GRIA1: variants seen among roughly 807,000 people sequenced by gnomAD.
The protein encoded by GRIA1 is glutamate receptor 1.
GRIA1 carries 31 observed loss-of-function variants against 99.2 expected under a neutral mutation model. The ratio of observed to expected loss-of-function variants is 0.31; its 90% CI spans 0.23 to 0.42. The LOEUF is 0.42. Among genes scored for constraint, GRIA1 ranks in the 10% least tolerant of loss-of-function variants. The pLI is 1.00. For synonymous variants in GRIA1, 438 were observed against 432.4 expected (o/e 1.01, Z -0.16); for missense variants, 782 against 1,157.5 (o/e 0.68, Z 4.71).
chr5:153,729,654 C>A (rs1012622231), intron 11 of GRIA1, among the ~76,000 whole-genome samples: 1 of 152,008 alleles, frequency 6.6e-6, no homozygotes. Flanking sequence ...GAATTTTCCA[C>A]CCCTGTTTAT....
intron 2 of GRIA1, among the ~76,000 whole-genome samples, chr5:153,537,665 G>C (rs1369151318): frequency 6.6e-6 from 1 of 152,208 alleles, no homozygotes; most frequent in East Asian, 1.9e-4. Flanking sequence ...CTTGGTGTCA[G>C]AACCAGGGTC....
chr5:153,751,157 C>T (rs1440797444), intron 11 of GRIA1, among the ~76,000 whole-genome samples: 2 of 152,202 alleles, frequency 1.3e-5, no homozygotes, highest in Admixed American at 1.3e-4. Context: ...CAAAGTCATA[C>T]AACCAATAAG....
intron 2 of GRIA1, among the ~76,000 whole-genome samples, chr5:153,518,909 G>A (rs1756875137): frequency 6.6e-6 from 1 of 152,164 alleles, no homozygotes; most frequent in Admixed American, 6.5e-5. Flanking sequence ...CTAGATCAGT[G>A]ATTCTCAAAA....
intron 2 of GRIA1, among the ~76,000 whole-genome samples, chr5:153,635,353 G>A (rs753213553): frequency 2.0e-5 from 3 of 152,180 alleles, no homozygotes; most frequent in Admixed American, 6.5e-5. Context: ...AGATGACTGG[G>A]CCAGGAGGGG....
chr5:153,506,465 T>C (rs546560969), intron 2 of GRIA1, among the ~76,000 whole-genome samples: 1 of 152,230 alleles, frequency 6.6e-6, no homozygotes, highest in Non-Finnish European at 1.5e-5. Flanking sequence ...ATTTAAATTA[T>C]GTGTGAAGGA....
Position 153,812,275 on chromosome 5 carries a change from C to A in GRIA1, c.*1050C>A, listed in dbSNP as rs763454294. 2 of 151,980 alleles carry A rather than the reference C, an allele frequency of 1.3e-5. No homozygotes were observed. The highest frequency in any genetic ancestry group is 2.4e-5 in the African/African-American group (1 of 41,372). 9.4% of individuals were successfully genotyped at this position (151,980 alleles called of 1,614,324 possible). A position where few individuals can be genotyped will look rare whatever the true frequency, so the allele number is the denominator to read the frequency against. On this transcript the variant is annotated 3_prime_UTR_variant, in exon 16 of 16. Coordinates refer to ENST00000285900, the MANE Select transcript of GRIA1 (RefSeq NM_000827.4). ...TCTATGGAGCCTCTGACATGGGGAG[C>A]AATGCTAAGCAAGCTAAGTGTAAAA...
intron 2 of GRIA1, among the ~76,000 whole-genome samples, chr5:153,497,073 T>C (rs1754509351): frequency 6.6e-6 from 1 of 152,146 alleles, no homozygotes; most frequent in African/African-American, 2.4e-5. Flanking sequence ...GTGGGGAAGA[T>C]AGAAGAGGAC....
chr5:153,645,757 T>C (rs1754101309), intron 2 of GRIA1, among the ~76,000 whole-genome samples: 1 of 152,146 alleles, frequency 6.6e-6, no homozygotes, highest in Non-Finnish European at 1.5e-5. Flanking sequence ...AAACAGGTGA[T>C]ATGGTAAAAA....
intron 2 of GRIA1, among the ~76,000 whole-genome samples, chr5:153,602,151 C>A (rs1221210575): frequency 1.3e-5 from 2 of 152,160 alleles, no homozygotes; most frequent in African/African-American, 4.8e-5. Context: ...CAATGATAGA[C>A]TGGATTAAGA....
intron 4 of GRIA1, among the ~76,000 whole-genome samples, chr5:153,651,105 A>G (rs1754541754): frequency 6.6e-6 from 1 of 151,976 alleles, no homozygotes; most frequent in Non-Finnish European, 1.5e-5. Flanking sequence ...TAATAATGAT[A>G]AATTACATTC....
chr5:153,567,340 G>T (rs2149359071), intron 2 of GRIA1, among the ~76,000 whole-genome samples: 1 of 152,308 alleles, frequency 6.6e-6, no homozygotes, highest in South Asian at 2.1e-4. Flanking sequence ...TTAAGAAAAT[G>T]AAGTGAGATA....
At chr5:153,585,447 T>A (rs904366315) in intron 2 of GRIA1, among the ~76,000 whole-genome samples, 6 of 151,822 alleles carry the variant, frequency 4.0e-5, no homozygotes, top group African/African-American at 1.2e-4. Context: ...TAGCTGGGAC[T>A]ACAGGCACCC....
At chr5:153,653,253 G>A (rs779214925) in intron 4 of GRIA1, among the ~76,000 whole-genome samples, 1 of 152,204 alleles carries the variant, frequency 6.6e-6, no homozygotes, top group Admixed American at 6.5e-5. Flanking sequence ...TCTATAGATA[G>A]CCATTGGCTG....
chr5:153,593,393 C>T (rs1764148848), intron 2 of GRIA1, among the ~76,000 whole-genome samples: 3 of 152,148 alleles, frequency 2.0e-5, no homozygotes, highest in African/African-American at 7.2e-5. Context: ...GAGTCCATAG[C>T]AATGCCGTTT....
chr5:153,739,376 A>G (rs1464692446), intron 11 of GRIA1, among the ~76,000 whole-genome samples: 1 of 152,200 alleles, frequency 6.6e-6, no homozygotes, highest in Non-Finnish European at 1.5e-5. Flanking sequence ...GTCTCAGCTT[A>G]GAAAGTCCCT....
chr5:153,507,877 C>T (rs1755689907), intron 2 of GRIA1, among the ~76,000 whole-genome samples: 1 of 152,168 alleles, frequency 6.6e-6, no homozygotes, highest in Admixed American at 6.5e-5. Flanking sequence ...ATGTTCCAGC[C>T]AAACTAGACT....
chr5:153,773,554 G>A (rs1271403153), intron 13 of GRIA1, among the ~76,000 whole-genome samples: 1 of 152,140 alleles, frequency 6.6e-6, no homozygotes, highest in Non-Finnish European at 1.5e-5. Flanking sequence ...TGCTTTTATG[G>A]ATTTGCTTGC....
intron 11 of GRIA1, among the ~76,000 whole-genome samples, chr5:153,707,990 G>A (rs1382592424): frequency 2.0e-5 from 3 of 152,124 alleles, no homozygotes; most frequent in African/African-American, 7.2e-5. Flanking sequence ...TCAGCATAAT[G>A]TAGGGCCATC....
Position 153,796,005 on chromosome 5 carries a change from T to G in GRIA1, c.2385+1270T>G, listed in dbSNP as rs1281725802. ...TGCTCAGGGATACTGAACTCTTTTTTTTTTTAACTTTTTTTTTTTTTTTTG... is the reference window on the plus strand; with the variant it reads ...TGCTCAGGGATACTGAACTCTTTTTGTTTTTAACTTTTTTTTTTTTTTTTG... On this transcript the variant is annotated intron_variant, in intron 14 of 15. Coordinates refer to ENST00000285900, the MANE Select transcript of GRIA1 (RefSeq NM_000827.4). Among the ~76,000 whole-genome samples, 4 of 124,326 alleles carry G rather than the reference T, an allele frequency of 3.2e-5. No homozygotes were observed. The South Asian group carries it at 1.1e-3, about 36-fold the overall frequency. The allele number at this position is 124,326 out of a possible 152,430, so 81.6% of individuals were successfully genotyped here.
Sources: allele counts gnomAD v4.1 joint callset (sites outside exome capture counted in the v4.1 genomes callset), GRCh38; gene constraint gnomAD v4.1.1; transcripts MANE v1.5; gene names NCBI Gene and HGNC (gene_info 2026-07-23, HGNC 2026-07-21).